The following ANO3 variants were observed in gnomAD, a reference collection of about 807,000 sequenced individuals.
ANO3 encodes the protein anoctamin-3.
In ANO3, 99 loss-of-function variants were observed where a neutral mutation model predicts 144.8. That is an observed-to-expected ratio of 0.68 (90% confidence interval 0.58 to 0.81). The LOEUF (loss-of-function observed/expected upper bound fraction) is 0.81, where lower values mean the gene tolerates loss of function less well. Among genes scored for constraint, ANO3 ranks in the 30% least tolerant of loss-of-function variants. The probability of loss-of-function intolerance (pLI) is 0.00; values close to 1 mark genes in which losing one functional copy is unlikely to be tolerated. For missense variants in ANO3, 905 were observed against 1,202.2 expected, an observed-to-expected ratio of 0.75 and a Z score of 3.66; for synonymous variants, 414 against 392.6, an observed-to-expected ratio of 1.05 and a Z score of -0.64.
chr11:26,295,195 G>A (rs530791871), intron 1 of ANO3, among the ~76,000 whole-genome samples: 4 of 152,104 alleles, frequency 2.6e-5, no homozygotes, highest in African/African-American at 7.2e-5. Context: ...TTACAGGTGT[G>A]AGCCACCGCG....
chr11:26,607,132 G>A (rs1046332175), intron 17 of ANO3, among the ~76,000 whole-genome samples: 17 of 152,148 alleles, frequency 1.1e-4, no homozygotes, highest in African/African-American at 3.1e-4. Context: ...CTGGCTTGTA[G>A]GATTTCAGCT....
chr11:26,662,917 G>C lies in ANO3; in HGVS notation c.*2473G>C, dbSNP rs1853920274. 1 of 152,364 alleles carries C rather than the reference G, an allele frequency of 6.6e-6. No individual in the cohort carries two copies. Among genetic ancestry groups the C allele is most frequent in the Non-Finnish European group, 1.5e-5 (1 of 67,944 alleles). The allele number at this position is 152,364 out of a possible 1,614,324, so 9.4% of individuals were successfully genotyped here. A position where few individuals can be genotyped will look rare whatever the true frequency, so the allele number is the denominator to read the frequency against. On this transcript the variant is annotated 3_prime_UTR_variant, in exon 27 of 27. Transcript: ENST00000256737. ...ATATGAATACAAATTATTTCTCAAA[G>C]ATTTATAGCACACACTATTCTCAGG...
chr11:26,524,930 T>C (rs1048295460), intron 6 of ANO3, among the ~76,000 whole-genome samples: 2 of 152,148 alleles, frequency 1.3e-5, no homozygotes, highest in African/African-American at 2.4e-5. Flanking sequence ...ACTACCTTTG[T>C]CTAGAATGTC....
chr11:26,258,174 T>C (rs1422230060), intron 1 of ANO3, among the ~76,000 whole-genome samples: 1 of 152,168 alleles, frequency 6.6e-6, no homozygotes, highest in Non-Finnish European at 1.5e-5. Flanking sequence ...AGTAAGTATG[T>C]ATTAACTAAC....
At chr11:26,514,167 T>C (rs1861773652) in intron 5 of ANO3, among the ~76,000 whole-genome samples, 1 of 152,082 alleles carries the variant, frequency 6.6e-6, no homozygotes, top group Non-Finnish European at 1.5e-5. Context: ...CAGGTCACTG[T>C]ACTTCAGAGT....
At chr11:26,218,491 A>G (rs1471807033) in intron 1 of ANO3, among the ~76,000 whole-genome samples, 1 of 151,926 alleles carries the variant, frequency 6.6e-6, no homozygotes, top group Non-Finnish European at 1.5e-5. Context: ...CTGCTTCTTT[A>G]CTTCTTCCCT....
intron 1 of ANO3, among the ~76,000 whole-genome samples, chr11:26,365,969 TA>T (rs1564984766): frequency 0.049 from 304 of 6,186 alleles, 5 homozygotes; most frequent in South Asian, 0.17. Flanking sequence ...TATATATATA[TA>T]TATATATATA....
intron 3 of ANO3, among the ~76,000 whole-genome samples, chr11:26,458,613 C>G (rs530327252): frequency 6.6e-6 from 1 of 152,260 alleles, no homozygotes; most frequent in South Asian, 2.1e-4. Flanking sequence ...TTAAGCATTT[C>G]TGTACATTGC....
rs533781949 is a variant in ANO3 at position 26,559,797 on chromosome 11, T to G, written c.1447+18T>G. The G allele has an allele frequency of 6.4e-7, 1 of 1,558,652 alleles. No individual in the cohort carries two copies. The highest frequency in any genetic ancestry group is 1.4e-5 in the African/African-American group (1 of 73,690). On this transcript the variant is annotated intron_variant, in intron 14 of 26. Coordinates refer to ENST00000256737, the MANE Select transcript of ANO3 (RefSeq NM_031418.4). ...AATATGGGGTAAGTACTTTCTTCATTACTTTCTATCCCTTATTTTCTGAAG... is the reference window on the plus strand; with the variant it reads ...AATATGGGGTAAGTACTTTCTTCATGACTTTCTATCCCTTATTTTCTGAAG...
chr11:26,600,548 C>T (rs1294811481), intron 17 of ANO3, among the ~76,000 whole-genome samples: 1 of 109,072 alleles, frequency 9.2e-6, no homozygotes, highest in Non-Finnish European at 1.9e-5. Flanking sequence ...TCTTCTCTCT[C>T]TCCCTTAATC....
intron 1 of ANO3, among the ~76,000 whole-genome samples, chr11:26,319,741 T>A (rs1854714050): frequency 6.6e-6 from 1 of 152,228 alleles, no homozygotes; most frequent in Non-Finnish European, 1.5e-5. Context: ...TAACTTATAT[T>A]TCTATGACTT....
intron 4 of ANO3, among the ~76,000 whole-genome samples, chr11:26,467,019 TG>T (rs1390477668): frequency 2.0e-5 from 3 of 151,948 alleles, no homozygotes; most frequent in Non-Finnish European, 4.4e-5. Context: ...TTTCTAAAAT[TG>T]TTTTTTTTAA....
intron 1 of ANO3, among the ~76,000 whole-genome samples, chr11:26,356,668 A>G (rs978560296): frequency 2.0e-5 from 3 of 152,220 alleles, no homozygotes; most frequent in Non-Finnish European, 4.4e-5. Flanking sequence ...ATTAAACAGT[A>G]CATTTATTCT....
upstream of ANO3, among the ~76,000 whole-genome samples, chr11:26,306,030 C>A (rs1854372622): frequency 6.6e-6 from 1 of 152,024 alleles, no homozygotes; most frequent in Non-Finnish European, 1.5e-5. Context: ...GCGATCTCGG[C>A]TCACTGCAAG....
chr11:26,311,694 C>T (rs1449112365), intron 1 of ANO3, among the ~76,000 whole-genome samples: 1 of 152,146 alleles, frequency 6.6e-6, no homozygotes, highest in Non-Finnish European at 1.5e-5. Context: ...CCCATGACTG[C>T]TGTGTACAGT....
At chr11:26,294,742 CT>C (rs1424329282) in intron 1 of ANO3, among the ~76,000 whole-genome samples, 1 of 152,160 alleles carries the variant, frequency 6.6e-6, no homozygotes, top group Non-Finnish European at 1.5e-5. Context: ...TTCTTTGAAA[CT>C]TTAAAAACAC....
At chr11:26,274,836 T>C (rs934944348) in intron 1 of ANO3, among the ~76,000 whole-genome samples, 27 of 152,154 alleles carry the variant, frequency 1.8e-4, no homozygotes, top group African/African-American at 5.3e-4. Context: ...TACCTACTCT[T>C]CTTCAACTAT....
At position 26,420,373 on chromosome 11, in the gene ANO3, T is replaced by A. The variant is rs536445034; in HGVS notation, c.47-21545T>A. The stretch of plus-strand genomic sequence containing the variant: ...ATACCTGTATATTTGTAATAGGTAA[T>A]CTCCATTTGTGCCTCCAGATTCATC... On this transcript the variant is annotated intron_variant, in intron 1 of 26. Transcript: ENST00000256737. 2.6e-5 allele frequency among the ~76,000 whole-genome samples: 4 copies of A among 152,170 alleles called. No homozygotes were observed. In the East Asian group the frequency reaches 7.7e-4, roughly 29 times the overall value.
chr11:26,596,501 C>T (rs993496189), intron 14 of ANO3, among the ~76,000 whole-genome samples: 4 of 152,150 alleles, frequency 2.6e-5, no homozygotes, highest in African/African-American at 9.7e-5. Flanking sequence ...CATAACTGCC[C>T]ATGTCGAGAG....
Sources: gnomAD v4.1 joint callset for allele counts (sites outside exome capture counted in the v4.1 genomes callset) on GRCh38, gnomAD v4.1.1 for gene constraint, MANE v1.5 for transcripts, NCBI Gene and HGNC (gene_info 2026-07-23, HGNC 2026-07-21) for gene names.